The following PACRG variants were observed in gnomAD, a reference collection of about 807,000 sequenced individuals.
PACRG encodes parkin coregulated gene protein.
Under a neutral mutation model 29.7 loss-of-function variants are expected in PACRG, and 29 were observed. The observed-to-expected ratio is 0.98, with a 90% CI of 0.73 to 1.33. The LOEUF is 1.33. PACRG is among the 40% of genes most tolerant of loss of function. The probability of loss-of-function intolerance (pLI) is 0.00; values close to 1 mark genes in which losing one functional copy is unlikely to be tolerated. For missense variants in PACRG, 279 were observed against 316.2 expected, an observed-to-expected ratio of 0.88 and a Z score of 0.89; for synonymous variants, 116 against 118.7, an observed-to-expected ratio of 0.98 and a Z score of 0.15.
intron 2 of PACRG, among the ~76,000 whole-genome samples, chr6:162,999,999 A>T (rs1215299119): frequency 8.5e-5 from 13 of 152,214 alleles, no homozygotes; most frequent in Admixed American, 8.5e-4. Context: ...CTCCAACTGG[A>T]TGTACTTGTA....
At chr6:162,745,941 T>C (rs1214949359) in intron 1 of PACRG, among the ~76,000 whole-genome samples, 6 of 152,176 alleles carry the variant, frequency 3.9e-5, no homozygotes, top group Non-Finnish European at 8.8e-5. Context: ...GATAATATCA[T>C]ACATAATAAT....
intron 2 of PACRG, among the ~76,000 whole-genome samples, chr6:163,052,696 A>G (rs903021710): frequency 6.6e-6 from 1 of 152,214 alleles, no homozygotes; most frequent in Admixed American, 6.5e-5. Context: ...TAAATTACCC[A>G]GCCTCAGATG....
chr6:163,200,483 T>A lies in PACRG; in HGVS notation c.613+111075T>A, dbSNP rs183941255. ...CCTTGGAGTCTAAACGCCAAGGGTA[T>A]GAACGTGGGCACGTGTCGCATACTT... On this transcript the variant is annotated intron_variant, in intron 4 of 4. Coordinates refer to ENST00000366888, the MANE Select transcript of PACRG (RefSeq NM_001080379.2). 6.3e-4 allele frequency among the ~76,000 whole-genome samples: 96 copies of A among 152,300 alleles called. 1 individual carries two copies. The South Asian group carries it at 0.017, about 27-fold the overall frequency.
chr6:162,794,953 A>G (rs1785250212), intron 1 of PACRG, among the ~76,000 whole-genome samples: 1 of 152,118 alleles, frequency 6.6e-6, no homozygotes, highest in Non-Finnish European at 1.5e-5. Context: ...TACTATGAAT[A>G]TTGTGGAAAA....
intron 4 of PACRG, among the ~76,000 whole-genome samples, chr6:163,283,722 A>G (rs1047085430): frequency 6.6e-6 from 1 of 150,676 alleles, no homozygotes; most frequent in Admixed American, 6.6e-5. Flanking sequence ...AATGGCGTGA[A>G]CCCGGGAAGC....
In PACRG at chr6:162,970,908, A is replaced by C. The variant is rs529616582; in HGVS notation, c.292-91242A>C. Among the ~76,000 whole-genome samples the C allele has an allele frequency of 2.6e-5, 4 of 152,320 alleles. No homozygotes were observed. In the South Asian group the frequency reaches 8.3e-4, roughly 32 times the overall value. ...AAGGGGCAGGCTTGTACTGCAACTC[A>C]ACAATTGTTTCAGTGGCCATGGGTT... On this transcript the variant is annotated intron_variant, in intron 2 of 4. Coordinates refer to ENST00000366888, the MANE Select transcript of PACRG (RefSeq NM_001080379.2).
intron 4 of PACRG, among the ~76,000 whole-genome samples, chr6:163,246,630 AG>A (rs1782709889): frequency 6.6e-6 from 1 of 152,208 alleles, no homozygotes; most frequent in Non-Finnish European, 1.5e-5. Flanking sequence ...TCTTGCCCAG[AG>A]GGTGCTCAGT....
At chr6:162,845,998 G>A (rs912823992) in intron 2 of PACRG, among the ~76,000 whole-genome samples, 4 of 152,166 alleles carry the variant, frequency 2.6e-5, no homozygotes, top group African/African-American at 9.7e-5. Context: ...GGAGGGTAAG[G>A]CGGAGAGGAG....
chr6:162,844,342 G>A (rs1368514878), intron 2 of PACRG, among the ~76,000 whole-genome samples: 1 of 152,214 alleles, frequency 6.6e-6, no homozygotes, highest in Non-Finnish European at 1.5e-5. Context: ...CAATATTCGG[G>A]TGGGAGTGAC....
intron 2 of PACRG, among the ~76,000 whole-genome samples, chr6:162,894,552 C>T (rs951638715): frequency 2.0e-5 from 3 of 152,150 alleles, no homozygotes; most frequent in Non-Finnish European, 2.9e-5. Flanking sequence ...TTTGGGTGCA[C>T]GCCGAGCCTG....
intron 4 of PACRG, among the ~76,000 whole-genome samples, chr6:163,234,386 C>A (rs558257771): frequency 1.3e-5 from 2 of 152,152 alleles, no homozygotes; most frequent in South Asian, 4.1e-4. Context: ...AGCTCCTCCT[C>A]TCTTGCTTCC....
intron 1 of PACRG, among the ~76,000 whole-genome samples, chr6:162,759,391 G>A (rs1267007934): frequency 6.6e-6 from 1 of 152,186 alleles, no homozygotes; most frequent in Admixed American, 6.5e-5. Flanking sequence ...TATGTGAGCT[G>A]TGAGAATTTT....
chr6:162,996,262 C>A (rs926038524), intron 2 of PACRG, among the ~76,000 whole-genome samples: 2 of 151,882 alleles, frequency 1.3e-5, no homozygotes, highest in Non-Finnish European at 2.9e-5. Context: ...AGCTGTATAC[C>A]CTAAATATAT....
At chr6:163,120,050 T>C (rs1160529802) in intron 4 of PACRG, among the ~76,000 whole-genome samples, 1 of 152,106 alleles carries the variant, frequency 6.6e-6, no homozygotes, top group Non-Finnish European at 1.5e-5. Flanking sequence ...ACGAGAAAAA[T>C]AATACATTCC....
At chr6:162,747,639 C>T (rs1781187928) in intron 1 of PACRG, among the ~76,000 whole-genome samples, 1 of 150,878 alleles carries the variant, frequency 6.6e-6, no homozygotes, top group African/African-American at 2.4e-5. Context: ...TTACCCAGAG[C>T]TAATGCAGGG....
intron 1 of PACRG, among the ~76,000 whole-genome samples, chr6:162,730,055 C>A (rs1779633450): frequency 1.3e-5 from 1 of 77,758 alleles, no homozygotes; most frequent in African/African-American, 8.5e-5. Context: ...CAGTCAACAA[C>A]TGTCTCTCTT....
intron 1 of PACRG, among the ~76,000 whole-genome samples, chr6:162,773,539 G>A (rs1254432853): frequency 1.7e-4 from 18 of 108,686 alleles, no homozygotes; most frequent in African/African-American, 6.0e-4. Flanking sequence ...ACGGAGTCTC[G>A]CTCTGTCGCC....
At chr6:163,006,276 A>G (rs1173666347) in intron 2 of PACRG, among the ~76,000 whole-genome samples, 3 of 146,982 alleles carry the variant, frequency 2.0e-5, no homozygotes, top group Non-Finnish European at 4.5e-5. Flanking sequence ...AATGTGTAAT[A>G]ATCACATCAG....
At chr6:162,877,797 A>G (rs1461538278) in intron 2 of PACRG, among the ~76,000 whole-genome samples, 1 of 152,126 alleles carries the variant, frequency 6.6e-6, no homozygotes, top group Non-Finnish European at 1.5e-5. Flanking sequence ...CCTGCCCAGA[A>G]GAGTCAATAT....
Sources: gnomAD v4.1 joint callset for allele counts (sites outside exome capture counted in the v4.1 genomes callset) on GRCh38, gnomAD v4.1.1 for gene constraint, MANE v1.5 for transcripts, NCBI Gene and HGNC (gene_info 2026-07-23, HGNC 2026-07-21) for gene names.